Variants in ZNF892 observed in about 807,000 individuals in gnomAD.
ZNF892 encodes the protein zinc finger protein 892.
At chr2:95,236,827 AT>A in the ZNF892 span, among the ~76,000 whole-genome samples, 1 of 152,218 alleles carries the variant, frequency 6.6e-6, no homozygotes. Context: ...AGAAAATTTT[AT>A]TATTTCTGTG....
chr2:95,242,850 C>T, the ZNF892 span, among the ~76,000 whole-genome samples: 3 of 152,074 alleles, frequency 2.0e-5, no homozygotes, highest in Non-Finnish European at 4.4e-5. Flanking sequence ...GTCTCCCTCT[C>T]CCCACGGTCT....
At chr2:95,219,006 TG>T in the ZNF892 span, among the ~76,000 whole-genome samples, 4 of 148,702 alleles carry the variant, frequency 2.7e-5, no homozygotes, top group Non-Finnish European at 4.4e-5. Flanking sequence ...TTCTTTTTTT[TG>T]TTTGTTTGTT....
chr2:95,248,626 G>A, the ZNF892 span, among the ~76,000 whole-genome samples: 1 of 151,662 alleles, frequency 6.6e-6, no homozygotes, highest in African/African-American at 2.4e-5. Flanking sequence ...ATTAGGAATA[G>A]ACCAATAACC....
the ZNF892 span, among the ~76,000 whole-genome samples, chr2:95,248,064 A>G: frequency 6.6e-6 from 1 of 152,244 alleles, no homozygotes. Flanking sequence ...ACTATTCACA[A>G]TAACAAAGAC....
chr2:95,223,399 G>A, the ZNF892 span, among the ~76,000 whole-genome samples: 3 of 151,568 alleles, frequency 2.0e-5, no homozygotes, highest in Non-Finnish European at 1.5e-5. Context: ...GGTTTTTTTG[G>A]GGGGGAGGAG....
the ZNF892 span, among the ~76,000 whole-genome samples, chr2:95,246,582 G>A: frequency 4.2e-4 from 64 of 152,104 alleles, no homozygotes; most frequent in Middle Eastern, 6.8e-3. Context: ...TGTCTTTGGA[G>A]ATGACATGAT....
chr2:95,250,494 TAA>T, the ZNF892 span, among the ~76,000 whole-genome samples: 1 of 149,494 alleles, frequency 6.7e-6, no homozygotes, highest in Non-Finnish European at 1.5e-5. Flanking sequence ...ATTTATGTAA[TAA>T]ATGTTTATTA....
At chr2:95,220,983 C>T in the ZNF892 span, among the ~76,000 whole-genome samples, 1 of 152,074 alleles carries the variant, frequency 6.6e-6, no homozygotes, top group South Asian at 2.1e-4. Flanking sequence ...TATCTGTTCA[C>T]TTTAATTTGC....
At chr2:95,247,729 CAT>C in the ZNF892 span, among the ~76,000 whole-genome samples, 9 of 152,080 alleles carry the variant, frequency 5.9e-5, no homozygotes, top group Non-Finnish European at 8.8e-5. Flanking sequence ...GGCCAACAAA[CAT>C]ATGAAAAAAT....
At chr2:95,219,710 G>A in the ZNF892 span, among the ~76,000 whole-genome samples, 1 of 152,170 alleles carries the variant, frequency 6.6e-6, no homozygotes, top group South Asian at 2.1e-4. Context: ...GCATTGACAG[G>A]CCTCCTCTGA....
chr2:95,240,197 A>T, the ZNF892 span, among the ~76,000 whole-genome samples: 1 of 152,214 alleles, frequency 6.6e-6, no homozygotes, highest in African/African-American at 2.4e-5. Context: ...TGCGGTTTGC[A>T]GCACTCATGG....
chr2:95,248,788 A>G, the ZNF892 span, among the ~76,000 whole-genome samples: 1 of 152,184 alleles, frequency 6.6e-6, no homozygotes, highest in African/African-American at 2.4e-5. Context: ...AACTTCTGCA[A>G]CTTTCTATAT....
chr2:95,217,639 TAGG>T, the ZNF892 span, among the ~76,000 whole-genome samples: 1 of 152,186 alleles, frequency 6.6e-6, no homozygotes, highest in Non-Finnish European at 1.5e-5. Flanking sequence ...AATAGGAAAG[TAGG>T]AGGAGGGATG....
At chr2:95,256,840 T>C in the ZNF892 span, among the ~76,000 whole-genome samples, 1 of 152,222 alleles carries the variant, frequency 6.6e-6, no homozygotes, top group Non-Finnish European at 1.5e-5. Flanking sequence ...CCATCACTGA[T>C]ACCCTTTCTT....
the ZNF892 span, among the ~76,000 whole-genome samples, chr2:95,246,316 C>A: frequency 6.6e-6 from 1 of 152,274 alleles, no homozygotes; most frequent in Non-Finnish European, 1.5e-5. Flanking sequence ...TTCAACATCA[C>A]TTCATGTTAA....
the ZNF892 span, among the ~76,000 whole-genome samples, chr2:95,243,297 C>T: frequency 5.3e-5 from 8 of 152,228 alleles, no homozygotes; most frequent in South Asian, 1.7e-3. Context: ...AGGAGCGTCT[C>T]TGCCTGGCTG....
chr2:95,226,683 C>T, the ZNF892 span, among the ~76,000 whole-genome samples: 1 of 152,136 alleles, frequency 6.6e-6, no homozygotes, highest in Non-Finnish European at 1.5e-5. Flanking sequence ...GCCAAACTCT[C>T]CTTGGGACAG....
chr2:95,225,037 C>T, the ZNF892 span, among the ~76,000 whole-genome samples: 2 of 152,110 alleles, frequency 1.3e-5, no homozygotes, highest in African/African-American at 2.4e-5. Context: ...AATTTCTATT[C>T]GCTATAAATT....
chr2:95,255,537 G>A, the ZNF892 span, among the ~76,000 whole-genome samples: 2 of 152,210 alleles, frequency 1.3e-5, no homozygotes, highest in African/African-American at 4.8e-5. Context: ...GTGTGGTGCT[G>A]AAAAGAATGT....
Sources: gnomAD v4.1 joint callset for allele counts (sites outside exome capture counted in the v4.1 genomes callset) on GRCh38, gnomAD v4.1.1 for gene constraint, MANE v1.5 for transcripts, NCBI Gene and HGNC (gene_info 2026-07-23, HGNC 2026-07-21) for gene names.